Variants in COL6A1 observed in about 807,000 individuals in gnomAD.
The protein encoded by COL6A1 is collagen type VI alpha 1 chain.
A neutral mutation model predicts 145.6 loss-of-function variants in COL6A1; 80 were observed. The ratio of observed to expected loss-of-function variants is 0.55; its 90% CI spans 0.46 to 0.66. The LOEUF is 0.66. Among genes scored for constraint, COL6A1 ranks in the 30% least tolerant of loss-of-function variants. The pLI is 0.00. For synonymous variants in COL6A1, 638 were observed against 622.8 expected, an observed-to-expected ratio of 1.02 and a Z score of -0.36; for missense variants, 1,364 against 1,473.8, an observed-to-expected ratio of 0.93 and a Z score of 1.22.
intron 3 of COL6A1, among the ~76,000 whole-genome samples, chr21:45,985,443 TGA>T (rs2077734134): frequency 6.6e-6 from 1 of 151,868 alleles, no homozygotes; most frequent in Non-Finnish European, 1.5e-5. Context: ...GCAGAGAGAC[TGA>T]GAGACTGAGA....
In COL6A1 at chr21:45,998,129, C is replaced by A. The variant is rs762049791; in HGVS notation, c.1533C>A (p.Asp511Glu). 1 of 1,612,038 alleles carries A rather than the reference C, an allele frequency of 6.2e-7. No individual in the cohort carries two copies. The highest frequency in any genetic ancestry group is 1.7e-5 in the Admixed American group (1 of 59,962). ...CTACTCTGCTCCCCCAGGGAGAAGA[C>A]GGCCCCGCTGGAAATGGCACCGAGG... The part of the protein sequence containing the change: ...DPGLMGERGE[D>E]GPAGNGTEGF... The change falls in exon 23 of 35, where the codon GAC (aspartate) becomes GAA (glutamate). Residue 511 changes from aspartate (D) to glutamate (E), a missense_variant. Physicochemically the swap from Asp to Glu is conservative, Grantham distance 45. This residue lies in a region of COL6A1 where 938 missense variants were observed against 1,003.8 expected (regional missense o/e 0.93). Transcript: ENST00000361866.
intron 27 of COL6A1, among the ~76,000 whole-genome samples, chr21:45,999,896 A>ACGTGAGGATCAT: frequency 1.2e-4 from 1 of 8,662 alleles, no homozygotes; most frequent in African/African-American, 4.7e-4. Flanking sequence ...AGGACCATAG[A>ACGTGAGGATCAT]GGGGACATGT....
chr21:45,990,401 C>G lies in COL6A1; in HGVS notation c.981C>G (p.Ile327Met). 1 of 1,371,190 alleles carries G rather than the reference C, an allele frequency of 7.3e-7. No individual in the cohort carries two copies. The highest frequency in any genetic ancestry group is 9.6e-7 in the Non-Finnish European group (1 of 1,037,858). 84.9% of individuals were successfully genotyped at this position (1,371,190 alleles called of 1,614,324 possible). Reference protein sequence around the residue: ...GYKGEKGKRGIDGVDGVKGEM... With the variant: ...GYKGEKGKRGMDGVDGVKGEM... ...AGGGAGAGAAGGGCAAGCGTGGCAT[C>G]GACGGGGTGGACGGCGTGAAGGTGA... The change falls in exon 13 of 35, where the codon ATC (isoleucine) becomes ATG (methionine). Residue 327 changes from isoleucine (I) to methionine (M), a missense_variant. Physicochemically the swap from Ile to Met is conservative, Grantham distance 10. Around this residue, in one of 3 missense-constraint regions of COL6A1, gnomAD observed 12 missense variants for 32.3 expected, o/e 0.37. Coordinates refer to ENST00000361866, the MANE Select transcript of COL6A1 (RefSeq NM_001848.3).
rs1187271844 is a variant in COL6A1 at position 45,987,754 on chromosome 21, AGAGGGGACGGCGGGGGTCCAGATG to A, written c.804+139_804+162del. The A allele has an allele frequency of 1.5e-3, 1,946 of 1,314,528 alleles. 45 individuals are homozygous for A. Among genetic ancestry groups the A allele is most frequent in the Non-Finnish European group, 1.2e-3 (1,160 of 963,004 alleles). 81.4% of individuals were successfully genotyped at this position (1,314,528 alleles called of 1,614,324 possible). A position where few individuals can be genotyped will look rare whatever the true frequency, so the allele number is the denominator to read the frequency against. ...GCACCCAAGTCCACCATGAGGATCC[AGAGGGGACGGCGGGGGTCCAGATG>A]GAGGGGACGGCGGGGGTCCAGATGG... On this transcript the variant is annotated intron_variant, in intron 8 of 34. Transcript: ENST00000361866.
chr21:46,000,635 G>T, intron 28 of COL6A1, 124 bp from the exon 29 acceptor site: 2 of 1,386,180 alleles, frequency 1.4e-6, no homozygotes, highest in African/African-American at 1.4e-5. Flanking sequence ...GGCCGGGGAA[G>T]GGGGGAGGCC....
At position 45,987,495 on chromosome 21, in the gene COL6A1, A is replaced by C. The variant is rs1331841660; in HGVS notation, c.739-4A>C. On this transcript the variant is annotated splice_region_variant and splice_polypyrimidine_tract_variant and intron_variant, in intron 6 of 34. Coordinates refer to ENST00000361866, the MANE Select transcript of COL6A1 (RefSeq NM_001848.3). Reference sequence around the variant, plus strand: ...TGACTCGTCTCCATGCTTTCCCCCCACAGTGCTGCTCCTTCGAATGCCAGG... The same window carrying C: ...TGACTCGTCTCCATGCTTTCCCCCCCCAGTGCTGCTCCTTCGAATGCCAGG... 1.2e-6 allele frequency: 2 copies of C among 1,612,618 alleles called. No homozygotes were observed. The highest frequency in any genetic ancestry group is 8.5e-7 in the Non-Finnish European group (1 of 1,179,878).
chr21:45,992,247 G>A lies in COL6A1; in HGVS notation c.1236+30G>A, dbSNP rs770548622. Reference sequence around the variant, plus strand: ...GTGAGGGCTCCTGACACCTTCCTGGGGAAGTGCATGGCCTCAGCTTCTGAT... The same window carrying A: ...GTGAGGGCTCCTGACACCTTCCTGGAGAAGTGCATGGCCTCAGCTTCTGAT... On this transcript the variant is annotated intron_variant, in intron 17 of 34. Transcript: ENST00000361866. The A allele has an allele frequency of 2.1e-5, 34 of 1,613,542 alleles. No homozygotes were observed. In the East Asian group the frequency reaches 5.6e-4, roughly 26 times the overall value.
Position 46,002,255 on chromosome 21 carries a change from T to C in COL6A1, c.2104T>C (p.Phe702Leu). The C allele has an allele frequency of 6.2e-7, 1 of 1,602,686 alleles. No individual in the cohort carries two copies. The highest frequency in any genetic ancestry group is 8.5e-7 in the Non-Finnish European group (1 of 1,177,432). ...CCTGCAGTGGATGGCGGGCGGCACC[T>C]TCACGGGGGAGGCCCTGCAGTACAC... is the stretch of plus-strand genomic sequence containing the variant. The part of the protein sequence containing the change: ...KSLQWMAGGT[F>L]TGEALQYTRD... The change falls in exon 32 of 35, where the codon TTC becomes CTC. Residue 702 changes from phenylalanine to leucine, a missense_variant. Transcript: ENST00000361866.
intron 20 of COL6A1, among the ~76,000 whole-genome samples, chr21:45,996,426 A>G (rs2077804928): frequency 6.6e-6 from 1 of 152,208 alleles, no homozygotes; most frequent in Non-Finnish European, 1.5e-5. Flanking sequence ...AGAGAGAGCA[A>G]TACACTAGAT....
rs201088377 is a variant in COL6A1 at position 45,999,643 on chromosome 21, C to T, written c.1741-14C>T. ...CCTCACCCTCAGAGCTCCTCTACTC[C>T]GTTTCTCGGACAGGGACCCCCAGGA... is the stretch of plus-strand genomic sequence containing the variant. On this transcript the variant is annotated splice_polypyrimidine_tract_variant and intron_variant, in intron 26 of 34. Transcript: ENST00000361866. 49 of 1,613,126 alleles carry T rather than the reference C, an allele frequency of 3.0e-5. No homozygotes were observed. Among genetic ancestry groups the T allele is most frequent in the Non-Finnish European group, 3.7e-5 (44 of 1,179,878 alleles).
chr21:46,000,412 G>T (rs755618354), intron 28 of COL6A1, 45 bp downstream of exon 28: 2 of 1,602,924 alleles, frequency 1.2e-6, no homozygotes, highest in South Asian at 1.1e-5. Context: ...GAGCAGGGCC[G>T]CCAGCCTGGC....
chr21:45,998,867 T>C (rs1047878350), intron 24 of COL6A1, 30 bp from the exon 25 acceptor site: 7 of 1,550,532 alleles, frequency 4.5e-6, no homozygotes, highest in Non-Finnish European at 5.2e-6. Flanking sequence ...ATAAAACCCT[T>C]GTTAACCAAG....
Position 46,002,198 on chromosome 21 carries a change from TC to T in COL6A1, c.2067-18del, listed in dbSNP as rs1227799898. The T allele has an allele frequency of 2.5e-6, 4 of 1,590,296 alleles. No individual in the cohort carries two copies. The African/African-American group carries it at 5.4e-5, about 21-fold the overall frequency. On this transcript the variant is annotated intron_variant, in intron 31 of 34. Transcript: ENST00000361866. ...GGCAGGCCTGGCCCCAACCGGCCCT[TC>T]CTGCCCTTTGCTATGCAGAGCCATC...
chr21:46,003,069 G>A (rs1244482906), intron 33 of COL6A1, 51 bp from the exon 34 acceptor site: 2 of 1,613,740 alleles, frequency 1.2e-6, no homozygotes, highest in Non-Finnish European at 8.5e-7. Flanking sequence ...CTCCTTGCGG[G>A]GTTATAGGTG....
At chr21:46,003,291 G>T (rs769422380) in intron 34 of COL6A1, 100 bp from the exon 35 acceptor site, 5 of 1,602,752 alleles carry the variant, frequency 3.1e-6, no homozygotes, top group Non-Finnish European at 3.4e-6. Flanking sequence ...GAGCACCACC[G>T]TGCCGTGCCC....
At chr21:45,983,657 T>C (rs1224730494) in intron 2 of COL6A1, among the ~76,000 whole-genome samples, 8 of 134,206 alleles carry the variant, frequency 6.0e-5, no homozygotes, top group African/African-American at 2.8e-4. Context: ...GCGGCAGTGT[T>C]TGGGGGGGGG....
At position 45,986,604 on chromosome 21, in the gene COL6A1, T is replaced by TG. The variant is rs1369742990; in HGVS notation, c.513dup (p.Leu172AlafsTer46). ...CCCTGGAGGGCTACAAGGAACCCTGTGGGGGGCTGGAGGATGCTGTGAACG... is the reference window on the plus strand; with the variant it reads ...CCCTGGAGGGCTACAAGGAACCCTGTGGGGGGGCTGGAGGATGCTGTGAACG... On this transcript the variant is annotated frameshift_variant, in exon 4 of 35. Coordinates refer to ENST00000361866, the MANE Select transcript of COL6A1 (RefSeq NM_001848.3). LOFTEE classifies it high-confidence loss of function. 1 of 1,559,066 alleles carries TG rather than the reference T, an allele frequency of 6.4e-7. No homozygotes were observed. Among genetic ancestry groups the TG allele is most frequent in the Non-Finnish European group, 8.7e-7 (1 of 1,151,824 alleles).
rs771287074 is a variant in COL6A1 at position 45,987,534 on chromosome 21, C to T, written c.759+15C>T. On this transcript the variant is annotated intron_variant, in intron 7 of 34. Coordinates refer to ENST00000361866, the MANE Select transcript of COL6A1 (RefSeq NM_001848.3). ...TCGAATGCCAGGTGAGTGTGCCCCC[C>T]GACCCCTGACCCCGCGCCCTGCACC... 2.3e-5 allele frequency: 37 copies of T among 1,612,738 alleles called. No homozygotes were observed. Among genetic ancestry groups the T allele is most frequent in the East Asian group, 6.7e-5 (3 of 44,892 alleles).
chr21:46,000,658 CGGCCGGGGAG>C, intron 28 of COL6A1, 91 bp from the exon 29 acceptor site: 2 of 34,164 alleles, frequency 5.9e-5, no homozygotes, highest in Non-Finnish European at 8.4e-5. Flanking sequence ...GGAAGGAGGG[CGGCCGGGGAG>C]GCGGGGAGGC....
Sources: allele counts gnomAD v4.1 joint callset (sites outside exome capture counted in the v4.1 genomes callset), GRCh38; gene constraint gnomAD v4.1.1; regional missense constraint gnomAD v4.1.1; transcripts MANE v1.5; gene names NCBI Gene and HGNC (gene_info 2026-07-23, HGNC 2026-07-21).